CRACD: variants seen among roughly 807,000 people sequenced by gnomAD.
The protein encoded by CRACD is capping protein-inhibiting regulator of actin dynamics.
CRACD carries 56 observed loss-of-function variants against 106.8 expected under a neutral mutation model. The observed-to-expected ratio is 0.52, with a 90% CI of 0.42 to 0.66. CRACD has a LOEUF of 0.66. CRACD is among the 30% of genes least tolerant of loss of function. The probability of loss-of-function intolerance (pLI) is 0.00; values close to 1 mark genes in which losing one functional copy is unlikely to be tolerated. For synonymous variants in CRACD, 754 were observed against 670.8 expected, an observed-to-expected ratio of 1.12 and a Z score of -1.92; for missense variants, 1,730 against 1,623.2, an observed-to-expected ratio of 1.07 and a Z score of -1.13.
chr4:56,077,337 C>T (rs1433507722), intron 1 of CRACD, among the ~76,000 whole-genome samples: 4 of 152,334 alleles, frequency 2.6e-5, no homozygotes, highest in African/African-American at 9.6e-5. Context: ...GAAACCGATT[C>T]AGTTCCCTCC....
chr4:56,323,425 C>T lies in CRACD; in HGVS notation c.3236C>T (p.Thr1079Ile). 2 of 1,610,972 alleles carry T rather than the reference C, an allele frequency of 1.2e-6. No homozygotes were observed. The highest frequency in any genetic ancestry group is 1.7e-6 in the Non-Finnish European group (2 of 1,179,252). Reference sequence around the variant, plus strand: ...CACTCCTTAGATGGCTCCAAACTTACAGAGAAAGTGGAAACTGCTCAGCCG... The same window carrying T: ...CACTCCTTAGATGGCTCCAAACTTATAGAGAAAGTGGAAACTGCTCAGCCG... ...SRHSLDGSKL[T>I]EKVETAQPLW... The change falls in exon 9 of 11, where the codon ACA becomes ATA. Residue 1079 changes from threonine (T) to isoleucine (I), a missense_variant. Coordinates refer to ENST00000682029, the MANE Select transcript of CRACD (RefSeq NM_001393381.1).
intron 2 of CRACD, among the ~76,000 whole-genome samples, chr4:56,214,839 C>T (rs1049534730): frequency 3.3e-5 from 5 of 151,332 alleles, no homozygotes; most frequent in East Asian, 2.0e-4. Flanking sequence ...AGTGAAACTC[C>T]GTCTCTACTG....
intron 1 of CRACD, among the ~76,000 whole-genome samples, chr4:56,104,017 A>G (rs1002719142): frequency 2.0e-5 from 3 of 152,068 alleles, no homozygotes; most frequent in Admixed American, 2.0e-4. Flanking sequence ...CAGGTGATCC[A>G]CCCGCCTTGG....
intron 1 of CRACD, among the ~76,000 whole-genome samples, chr4:56,168,342 T>C (rs935379439): frequency 6.6e-6 from 1 of 152,150 alleles, no homozygotes; most frequent in Non-Finnish European, 1.5e-5. Context: ...TCTGTTAATA[T>C]TGTAAATTAC....
intron 2 of CRACD, among the ~76,000 whole-genome samples, chr4:56,207,323 A>C (rs2109484608): frequency 6.6e-6 from 1 of 152,328 alleles, no homozygotes; most frequent in East Asian, 1.9e-4. Context: ...CCTGTTATGG[A>C]GCCTATGATG....
At chr4:56,280,966 G>A (rs1298004042) in intron 3 of CRACD, among the ~76,000 whole-genome samples, 2 of 152,174 alleles carry the variant, frequency 1.3e-5, no homozygotes, top group Non-Finnish European at 1.5e-5. Context: ...ATTGAATAGG[G>A]AATGGTGAAG....
At chr4:56,182,616 AC>A (rs1255603831) in intron 2 of CRACD, among the ~76,000 whole-genome samples, 16 of 152,200 alleles carry the variant, frequency 1.1e-4, no homozygotes, top group Admixed American at 9.8e-4. Context: ...TAGGAGTTGC[AC>A]ACATACGACG....
chr4:56,144,884 G>C (rs1577691232), intron 1 of CRACD, among the ~76,000 whole-genome samples: 1 of 151,864 alleles, frequency 6.6e-6, no homozygotes, highest in African/African-American at 2.4e-5. Context: ...GAACTCCTGA[G>C]CTCAAGTGAT....
chr4:56,148,272 G>T (rs74883290), intron 1 of CRACD, among the ~76,000 whole-genome samples: 1 of 149,388 alleles, frequency 6.7e-6, no homozygotes, highest in South Asian at 2.1e-4. Context: ...TGCTTTTGTT[G>T]TTTTTTTTTT....
chr4:56,119,659 A>G (rs1349808325), intron 1 of CRACD, among the ~76,000 whole-genome samples: 3 of 151,838 alleles, frequency 2.0e-5, no homozygotes, highest in Non-Finnish European at 4.4e-5. Context: ...TTCCACTTAT[A>G]TATCTCATCT....
intron 1 of CRACD, among the ~76,000 whole-genome samples, chr4:56,171,427 C>A (rs1736358850): frequency 6.6e-6 from 1 of 152,154 alleles, no homozygotes; most frequent in Admixed American, 6.5e-5. Context: ...GTCCAGTTAG[C>A]AGCATCATAG....
intron 1 of CRACD, among the ~76,000 whole-genome samples, chr4:56,072,457 C>T (rs1346028256): frequency 2.0e-5 from 3 of 152,124 alleles, no homozygotes; most frequent in African/African-American, 7.2e-5. Context: ...TACTTTTCTC[C>T]TTTCAAAAAC....
In CRACD at chr4:56,314,576, C is replaced by T. The variant is rs1745418273; in HGVS notation, c.1074C>T (p.Leu358=). 1 of 1,515,632 alleles carries T rather than the reference C, an allele frequency of 6.6e-7. No individual in the cohort carries two copies. The allele number at this position is 1,515,632 out of a possible 1,614,324, so 93.9% of individuals were successfully genotyped here. A position where few individuals can be genotyped will look rare whatever the true frequency, so the allele number is the denominator to read the frequency against. ...AGGAAGGAAGATGCGCGGAGGAGCTCAAAAGGCAGGAGGAGGAGGAGGCTG... is the reference window on the plus strand; with the variant it reads ...AGGAAGGAAGATGCGCGGAGGAGCTTAAAAGGCAGGAGGAGGAGGAGGCTG... ...EEEEGRCAEE[L]KRQEEEEAEG... Residue 358 remains leucine (L), a synonymous_variant, in exon 8 of 11, where the codon CTC becomes CTT. Coordinates refer to ENST00000682029, the MANE Select transcript of CRACD (RefSeq NM_001393381.1). The surrounding 1 kb of genome is among the most constrained non-coding windows in gnomAD (Gnocchi z 4.4).
At chr4:56,276,780 C>T (rs941933427) in intron 3 of CRACD, among the ~76,000 whole-genome samples, 6 of 152,222 alleles carry the variant, frequency 3.9e-5, no homozygotes, top group Non-Finnish European at 8.8e-5. Flanking sequence ...CAGATGTCTG[C>T]CTGCCTCCAG....
rs1200805090 is a variant in CRACD, at chr4:56,092,352, C to T, written c.-336+43053C>T. Among the ~76,000 whole-genome samples the T allele has an allele frequency of 4.6e-5, 7 of 152,120 alleles. No individual in the cohort carries two copies. In the East Asian group the frequency reaches 5.8e-4, roughly 13 times the overall value. ...GAATAGTCCTTTTGCTTATGGGAGTCGGTGTGGTAGAGACCTGTGCTGTCC... is the reference window on the plus strand; with the variant it reads ...GAATAGTCCTTTTGCTTATGGGAGTTGGTGTGGTAGAGACCTGTGCTGTCC... On this transcript the variant is annotated intron_variant, in intron 1 of 10. Transcript: ENST00000682029.
intron 8 of CRACD, among the ~76,000 whole-genome samples, chr4:56,322,727 C>A (rs115493993): frequency 6.6e-6 from 1 of 152,112 alleles, no homozygotes; most frequent in Admixed American, 6.6e-5. Flanking sequence ...AAATAAATTT[C>A]ATTTAAAGCA....
intron 1 of CRACD, chr4:56,097,502 AGT>A (rs1308932177): frequency 2.0e-5 from 3 of 152,274 alleles, no homozygotes; most frequent in Non-Finnish European, 4.4e-5. Flanking sequence ...AGTCTAGTTG[AGT>A]GTGTTTTTCT....
chr4:56,261,828 T>C (rs984296615), intron 2 of CRACD, among the ~76,000 whole-genome samples: 1 of 152,166 alleles, frequency 6.6e-6, no homozygotes, highest in African/African-American at 2.4e-5. Context: ...TATTGATAAG[T>C]CCTTGCCTAG....
intron 2 of CRACD, among the ~76,000 whole-genome samples, chr4:56,226,349 T>C (rs980624478): frequency 2.0e-5 from 3 of 152,150 alleles, no homozygotes; most frequent in Admixed American, 2.0e-4. Context: ...CTTTCAGTCC[T>C]GGTATATTGC....
Sources: allele counts gnomAD v4.1 joint callset (sites outside exome capture counted in the v4.1 genomes callset), GRCh38; gene constraint gnomAD v4.1.1; non-coding constraint Gnocchi (gnomAD v3.1); transcripts MANE v1.5; gene names NCBI Gene and HGNC (gene_info 2026-07-23, HGNC 2026-07-21).